MED17: variants seen among roughly 807,000 people sequenced by gnomAD.
MED17 encodes mediator complex subunit 17.
A neutral mutation model predicts 80.8 loss-of-function variants in MED17; 49 were observed. The ratio of observed to expected loss-of-function variants is 0.61; its 90% confidence interval spans 0.48 to 0.77. The LOEUF (loss-of-function observed/expected upper bound fraction) is 0.77, where lower values mean the gene tolerates loss of function less well. Among genes scored for constraint, MED17 ranks in the 30% least tolerant of loss-of-function variants. MED17 has a pLI of 0.00. For synonymous variants in MED17, 281 were observed against 280.4 expected (o/e 1.00, Z -0.02); for missense variants, 718 against 787.0 (o/e 0.91, Z 1.05).
rs142766173 is a variant in MED17 at position 93,794,312 on chromosome 11, C to T, written c.859+277C>T. 5.7e-3 allele frequency: 1,881 copies of T among 330,808 alleles called. 34 individuals are homozygous for T. Among genetic ancestry groups the T allele is most frequent in the African/African-American group, 0.038 (1,724 of 44,904 alleles). The allele number at this position is 330,808 out of a possible 1,614,324, so 20.5% of individuals were successfully genotyped here. A position where few individuals can be genotyped will look rare whatever the true frequency, so the allele number is the denominator to read the frequency against. On this transcript the variant is annotated intron_variant, in intron 5 of 11. Transcript: ENST00000251871. ...GTCTACCTCCCAGGTTCAAGCGATT[C>T]TCCTGCCTCAGCCTCCCGAGTAGCT...
At chr11:93,810,517 C>T (rs1310195885) in intron 11 of MED17, 3 of 153,110 alleles carry the variant, frequency 2.0e-5, no homozygotes, top group Admixed American at 6.5e-5. Flanking sequence ...TGCCCATCGT[C>T]ATACCCAACT....
chr11:93,787,356 T>C (rs1943781601), intron 1 of MED17, among the ~76,000 whole-genome samples: 6 of 151,638 alleles, frequency 4.0e-5, no homozygotes, highest in Admixed American at 3.9e-4. Flanking sequence ...GAGCTTGCAG[T>C]GAGCTGAGAT....
intron 9 of MED17, among the ~76,000 whole-genome samples, chr11:93,804,111 A>G (rs1478783790): frequency 1.3e-5 from 2 of 151,432 alleles, no homozygotes; most frequent in Non-Finnish European, 2.9e-5. Context: ...AGGTCCCACA[A>G]TAGGCCATCT....
intron 8 of MED17, among the ~76,000 whole-genome samples, chr11:93,799,817 A>G (rs1484819731): frequency 6.6e-6 from 1 of 152,172 alleles, no homozygotes; most frequent in Non-Finnish European, 1.5e-5. Flanking sequence ...TAACATGCAC[A>G]GTGAGATCTC....
At chr11:93,808,374 A>G (rs1285094044) in intron 10 of MED17, 1 of 145,348 alleles carries the variant, frequency 6.9e-6, no homozygotes, top group East Asian at 2.0e-4. Context: ...CTTTTTAAAA[A>G]AAAAAAAAAA....
Position 93,788,136 on chromosome 11 carries a change from C to G in MED17, c.386C>G (p.Pro129Arg). ...VRDKKFMTLD[P>R]VSQDALPPKQ... ...GATAAAAAATTTATGACTCTTGATC[C>G]TGTCTCTCAGGATGCACTTCCTCCA... Residue 129 changes from proline to arginine, a missense_variant, in exon 2 of 12, where the codon CCT becomes CGT. Physicochemically the swap from Pro to Arg is moderately radical, Grantham distance 103. Coordinates refer to ENST00000251871, the MANE Select transcript of MED17 (RefSeq NM_004268.5). 1 of 1,613,350 alleles carries G rather than the reference C, an allele frequency of 6.2e-7. No homozygotes were observed.
chr11:93,812,498 G>A lies in MED17; in HGVS notation c.*434G>A, dbSNP rs1944094270. The stretch of plus-strand genomic sequence containing the variant: ...CTGTAGCCCAGTCTGGAGTGCAGTG[G>A]TGTGATCATGGTTCACTGCAGTCTT... On this transcript the variant is annotated 3_prime_UTR_variant, in exon 12 of 12. Coordinates refer to ENST00000251871, the MANE Select transcript of MED17 (RefSeq NM_004268.5). 1.4e-5 allele frequency: 4 copies of A among 276,208 alleles called. No homozygotes were observed. In the South Asian group the frequency reaches 2.5e-4, roughly 17 times the overall value. The allele number at this position is 276,208 out of a possible 1,614,324, so 17.1% of individuals were successfully genotyped here.
In MED17 at chr11:93,792,592, A is replaced by G. The variant is rs73555010; in HGVS notation, c.638-1136A>G. 5.1e-3 allele frequency among the ~76,000 whole-genome samples: 784 copies of G among 152,270 alleles called. 5 individuals are homozygous for G. Among genetic ancestry groups the G allele is most frequent in the African/African-American group, 0.018 (728 of 41,548 alleles). ...AACCACCTATTTCTTATGTAATTCA[A>G]TGGCCCAGAACAACTTACCCAAACT... On this transcript the variant is annotated intron_variant, in intron 3 of 11. Transcript: ENST00000251871.
chr11:93,797,360 C>T, intron 7 of MED17, 175 bp from the exon 8 acceptor site: 1 of 630,178 alleles, frequency 1.6e-6, no homozygotes, highest in South Asian at 1.9e-5. Context: ...CTTCTCTTTA[C>T]AGTCTTGCAT....
chr11:93,787,133 G>T (rs79689877), intron 1 of MED17, among the ~76,000 whole-genome samples: 2 of 152,148 alleles, frequency 1.3e-5, no homozygotes, highest in Non-Finnish European at 2.9e-5. Flanking sequence ...ACTCACTGGG[G>T]CCGGGCGCAG....
Position 93,784,471 on chromosome 11 carries a change from TGGCTCGTGGGGGG to T in MED17, c.-42_-30del. 6.4e-7 allele frequency: 1 copy of T among 1,567,036 alleles called. No homozygotes were observed. The highest frequency in any genetic ancestry group is 1.8e-5 in the Admixed American group (1 of 56,026). On this transcript the variant is annotated 5_prime_UTR_variant, in exon 1 of 12. Transcript: ENST00000251871. ...AGCCTCCTCTTCGTACCTCGTTTTTTGGCTCGTGGGGGGTCCTCCCACCGCTGGCCGACGCAGC... is the reference window on the plus strand; with the variant it reads ...AGCCTCCTCTTCGTACCTCGTTTTTTTCCTCCCACCGCTGGCCGACGCAGC...
chr11:93,793,553 ATCTT>A, intron 3 of MED17, 171 bp from the exon 4 acceptor site: 1 of 564,628 alleles, frequency 1.8e-6, no homozygotes, highest in South Asian at 2.3e-5. Flanking sequence ...CCCCACCTTT[ATCTT>A]TCTTTCCTTT....
chr11:93,804,022 T>C (rs753784747), intron 9 of MED17, among the ~76,000 whole-genome samples: 97 of 12,428 alleles, frequency 7.8e-3, no homozygotes, highest in Middle Eastern at 0.12. Context: ...TATATATATA[T>C]ATATACACAC....
Position 93,795,026 on chromosome 11 carries a change from G to C in MED17, c.978G>C (p.Val326=), listed in dbSNP as rs2276311. 3,997 of 1,614,080 alleles carry C rather than the reference G, an allele frequency of 2.5e-3. 123 individuals are homozygous for C. The East Asian group carries it at 0.072, about 29-fold the overall frequency. Reference sequence around the variant, plus strand: ...TTAAATCACAAGTCCCTCACATTGTGGTGAAAAACCAGATTATCTCTCAGC... The same window carrying C: ...TTAAATCACAAGTCCCTCACATTGTCGTGAAAAACCAGATTATCTCTCAGC... The part of the protein sequence containing the change: ...VQIKSQVPHI[V]VKNQIISQPF... Residue 326 remains valine, a synonymous_variant, in exon 6 of 12, where the codon GTG becomes GTC. Transcript: ENST00000251871.
In MED17 at chr11:93,813,948, C is replaced by T. The variant is rs1000353449; in HGVS notation, c.*1884C>T. 8 of 152,220 alleles carry T rather than the reference C, an allele frequency of 5.3e-5. No homozygotes were observed. The highest frequency in any genetic ancestry group is 1.9e-4 in the African/African-American group (8 of 41,446). The allele number at this position is 152,220 out of a possible 1,614,324, so 9.4% of individuals were successfully genotyped here. A position where few individuals can be genotyped will look rare whatever the true frequency, so the allele number is the denominator to read the frequency against. Reference sequence around the variant, plus strand: ...CAGGCTGGTCTTGAACTCCTGGCCTCAATTGATCCGCCCACCTCGGCCTCC... The same window carrying T: ...CAGGCTGGTCTTGAACTCCTGGCCTTAATTGATCCGCCCACCTCGGCCTCC... On this transcript the variant is annotated 3_prime_UTR_variant, in exon 12 of 12. Transcript: ENST00000251871.
At chr11:93,786,003 TCCACACACACAA>T (rs1182725367) in intron 1 of MED17, among the ~76,000 whole-genome samples, 1 of 99,838 alleles carries the variant, frequency 1.0e-5, no homozygotes, top group Middle Eastern at 4.9e-3. Context: ...GACTCTAACA[TCCACACACACAA>T]CCACACACCT....
At chr11:93,792,081 C>G (rs1591383883) in intron 3 of MED17, among the ~76,000 whole-genome samples, 3 of 151,998 alleles carry the variant, frequency 2.0e-5, no homozygotes, top group Non-Finnish European at 4.4e-5. Flanking sequence ...AGGCAGTCAG[C>G]GGGCTGGCTA....
At chr11:93,811,827 A>G in intron 11 of MED17, 26 bp from the exon 12 acceptor site, 2 of 1,584,406 alleles carry the variant, frequency 1.3e-6, no homozygotes, top group South Asian at 1.1e-5. Flanking sequence ...ACTAGAGTGT[A>G]TTGATATTTT....
chr11:93,807,828 T>C (rs1944042434), intron 10 of MED17, 193 bp downstream of exon 10: 3 of 599,310 alleles, frequency 5.0e-6, no homozygotes, highest in Non-Finnish European at 5.9e-6. Context: ...ACTGATAAGC[T>C]GTCCTAGGTT....
Sources: gnomAD v4.1 joint callset for allele counts (sites outside exome capture counted in the v4.1 genomes callset) on GRCh38, gnomAD v4.1.1 for gene constraint, MANE v1.5 for transcripts, NCBI Gene and HGNC (gene_info 2026-07-23, HGNC 2026-07-21) for gene names.